Variants in TTK observed in about 807,000 individuals in gnomAD.
TTK encodes TTK protein kinase.
Under a neutral mutation model 117.3 loss-of-function variants are expected in TTK, and 59 were observed. The observed-to-expected ratio is 0.50, with a 90% CI of 0.41 to 0.62. The LOEUF is 0.62. TTK is among the 20% of genes least tolerant of loss of function. The pLI, the probability that TTK is intolerant of heterozygous loss-of-function variation, is 0.00. For missense variants in TTK, 921 were observed against 989.4 expected (o/e 0.93, Z 0.93); for synonymous variants, 302 against 325.0 (o/e 0.93, Z 0.76).
intron 10 of TTK, among the ~76,000 whole-genome samples, chr6:80,015,273 G>A (rs1289284012): frequency 6.6e-6 from 1 of 152,174 alleles, no homozygotes; most frequent in Non-Finnish European, 1.5e-5. Context: ...GTCTAGTTAT[G>A]CTGCAGACTG....
At chr6:80,019,747 A>C (rs1406943737) in intron 10 of TTK, among the ~76,000 whole-genome samples, 4 of 152,008 alleles carry the variant, frequency 2.6e-5, no homozygotes, top group Non-Finnish European at 5.9e-5. Context: ...CTTACTTGTC[A>C]AAAAAAATCA....
rs759870854 is a variant in TTK at position 80,014,592 on chromosome 6, A to G, written c.1108+6A>G. 6.3e-7 allele frequency: 1 copy of G among 1,595,466 alleles called. No individual in the cohort carries two copies. The highest frequency in any genetic ancestry group is 1.4e-5 in the African/African-American group (1 of 73,866). On this transcript the variant is annotated splice_donor_region_variant and intron_variant, in intron 10 of 21. Transcript: ENST00000369798. ...TCTTCTAGCTAAATTAGAAGGTAAGAGTAACAAAATCAGTAGACTTGTATG... is the reference window on the plus strand; with the variant it reads ...TCTTCTAGCTAAATTAGAAGGTAAGGGTAACAAAATCAGTAGACTTGTATG...
rs1474002310 is a variant in TTK, at chr6:80,007,913, G to C, written c.244G>C (p.Ala82Pro). 6.2e-7 allele frequency: 1 copy of C among 1,613,600 alleles called. No individual in the cohort carries two copies. The highest frequency in any genetic ancestry group is 8.5e-7 in the Non-Finnish European group (1 of 1,179,654). The stretch of plus-strand genomic sequence containing the variant: ...GAAAAACAGTGTTCCGCTAAGTGAT[G>C]CTCTTTTAAATAAATTGATTGGTCG... ...LEKNSVPLSD[A>P]LLNKLIGRYS... The change falls in exon 3 of 22, where the codon GCT becomes CCT. Residue 82 changes from alanine (A) to proline (P), a missense_variant. Ala to Pro is a conservative substitution (Grantham distance 27). Coordinates refer to ENST00000369798, the MANE Select transcript of TTK (RefSeq NM_003318.5).
chr6:80,033,545 CAG>C, intron 14 of TTK, among the ~76,000 whole-genome samples: 1 of 152,322 alleles, frequency 6.6e-6, no homozygotes, highest in East Asian at 1.9e-4. Context: ...GCATCCAGAA[CAG>C]TACCTAGAAC....
intron 14 of TTK, 31 bp downstream of exon 14, chr6:80,031,590 TA>T: frequency 7.0e-7 from 1 of 1,422,870 alleles, no homozygotes; most frequent in Admixed American, 2.7e-5. Context: ...ACGAAATAAA[TA>T]AAAATATTTT....
chr6:80,033,874 ATTAT>A (rs1051252807), intron 14 of TTK, among the ~76,000 whole-genome samples: 1 of 152,078 alleles, frequency 6.6e-6, no homozygotes, highest in East Asian at 1.9e-4. Context: ...GTTAATATTT[ATTAT>A]TTATTTGTTT....
At position 80,034,853 on chromosome 6, in the gene TTK, C is replaced by G. The variant is rs577220323; in HGVS notation, c.1615-132C>G. The G allele has an allele frequency of 9.3e-5, 69 of 739,064 alleles. No individual in the cohort carries two copies. In the African/African-American group the frequency reaches 1.1e-3, roughly 12 times the overall value. 45.8% of individuals were successfully genotyped at this position (739,064 alleles called of 1,614,324 possible). On this transcript the variant is annotated intron_variant, in intron 14 of 21. Coordinates refer to ENST00000369798, the MANE Select transcript of TTK (RefSeq NM_003318.5). ...TCTTCCTTCTACACTCAAAATAGGC[C>G]CAGAAACTTTTAATGTTCATGTCAG...
chr6:80,011,503 G>T lies in TTK; in HGVS notation c.683G>T (p.Ser228Ile). 1 of 1,610,328 alleles carries T rather than the reference G, an allele frequency of 6.2e-7. No individual in the cohort carries two copies. The highest frequency in any genetic ancestry group is 1.1e-5 in the South Asian group (1 of 90,174). The change falls in exon 6 of 22, where the codon AGT becomes ATT. Residue 228 changes from serine (S) to isoleucine (I), a missense_variant. By Grantham distance (142) the Ser-to-Ile change is moderately radical (BLOSUM62 -2). Coordinates refer to ENST00000369798, the MANE Select transcript of TTK (RefSeq NM_003318.5). ...SLGHLQNRNN[S>I]CDSRGQTTKA... The stretch of plus-strand genomic sequence containing the variant: ...GGGCATTTACAGAATAGGAACAACA[G>T]TTGTGATTCCAGAGGACAGACTACT...
chr6:80,035,348 A>G lies in TTK; in HGVS notation c.1855A>G (p.Ile619Val), dbSNP rs1767872623. The G allele has an allele frequency of 6.2e-7, 1 of 1,612,624 alleles. No homozygotes were observed. Among genetic ancestry groups the G allele is most frequent in the African/African-American group, 1.3e-5 (1 of 74,856 alleles). Residue 619 changes from isoleucine to valine, a missense_variant, in exon 16 of 22, where the codon ATT (isoleucine) becomes GTT (valine). Coordinates refer to ENST00000369798, the MANE Select transcript of TTK (RefSeq NM_003318.5). ...LNSWLKKKKS[I>V]DPWERKSYWK... ...TAGTTGGCTTAAAAAGAAAAAATCC[A>G]TTGATCCATGGGAACGCAAGAGTTA... is the stretch of plus-strand genomic sequence containing the variant.
chr6:80,019,569 T>C (rs1767403001), intron 10 of TTK, among the ~76,000 whole-genome samples: 1 of 152,200 alleles, frequency 6.6e-6, no homozygotes, highest in Non-Finnish European at 1.5e-5. Flanking sequence ...AAAACTGAAA[T>C]GTTATACAAA....
rs750912141 is a variant in TTK at position 80,012,025 on chromosome 6, G to A, written c.896+45G>A. 2.1e-5 allele frequency: 31 copies of A among 1,492,828 alleles called. No individual in the cohort carries two copies. The Admixed American group carries it at 4.6e-4, about 22-fold the overall frequency. 92.5% of individuals were successfully genotyped at this position (1,492,828 alleles called of 1,614,324 possible). Reference sequence around the variant, plus strand: ...TTAAAATTTGTTGTCCGTATGGGAAGATTAATGGCAGAATGGTCTTAAAGT... The same window carrying A: ...TTAAAATTTGTTGTCCGTATGGGAAAATTAATGGCAGAATGGTCTTAAAGT... On this transcript the variant is annotated intron_variant, in intron 8 of 21. Transcript: ENST00000369798.
chr6:80,039,778 T>G lies in TTK; in HGVS notation c.2213T>G (p.Ile738Ser), dbSNP rs141223517. ...GGGAAAACACCATTTCAGCAGATAA[T>G]TAATCAGATTTCTAAATTACATGCC... Reference protein sequence around the residue: ...TYGKTPFQQIINQISKLHAII... With the variant: ...TYGKTPFQQISNQISKLHAII... The change falls in exon 19 of 22, where the codon ATT becomes AGT. Residue 738 changes from isoleucine to serine, a missense_variant. Ile to Ser is a moderately radical substitution (Grantham distance 142). Transcript: ENST00000369798. The G allele has an allele frequency of 6.3e-7, 1 of 1,587,176 alleles. No individual in the cohort carries two copies. Among genetic ancestry groups the G allele is most frequent in the South Asian group, 1.2e-5 (1 of 85,516 alleles).
At chr6:80,014,724 A>T in intron 10 of TTK, 138 bp downstream of exon 10, 1 of 849,104 alleles carries the variant, frequency 1.2e-6, no homozygotes, top group Non-Finnish European at 1.7e-6. Flanking sequence ...CCGTTCAGTT[A>T]TATAGGGTAT....
In TTK at chr6:80,042,223, CAGA is replaced by C. The variant is rs760375769; in HGVS notation, c.*22_*24del. ...AATGATTTGCAGTTATTCGTAATGTCAGATACCACCTATAAAATATATTGGACT... is the reference window on the plus strand; with the variant it reads ...AATGATTTGCAGTTATTCGTAATGTCTACCACCTATAAAATATATTGGACT... On this transcript the variant is annotated 3_prime_UTR_variant, in exon 22 of 22. Coordinates refer to ENST00000369798, the MANE Select transcript of TTK (RefSeq NM_003318.5). The C allele has an allele frequency of 6.1e-4, 932 of 1,535,704 alleles. 5 individuals are homozygous for C. In the Middle Eastern group the frequency reaches 0.012, roughly 20 times the overall value.
chr6:80,006,891 A>G (rs1403793634), intron 2 of TTK, among the ~76,000 whole-genome samples: 1 of 152,210 alleles, frequency 6.6e-6, no homozygotes, highest in Non-Finnish European at 1.5e-5. Flanking sequence ...AATTTTATTT[A>G]TAAAAGTAAA....
At chr6:80,037,865 T>TATAATAATA (rs3049175) in intron 17 of TTK, 102 bp from the exon 18 acceptor site, 34 of 411,040 alleles carry the variant, frequency 8.3e-5, no homozygotes, top group African/African-American at 7.1e-4. Flanking sequence ...AAACTTAAAG[T>TATAATAATA]ATAATAATAA....
chr6:80,008,925 ATATCTGTGTGTG>A (rs936065676), intron 4 of TTK, among the ~76,000 whole-genome samples: 8 of 73,102 alleles, frequency 1.1e-4, no homozygotes, highest in Non-Finnish European at 2.0e-4. Flanking sequence ...AGTAAACTAT[ATATCTGTGTGTG>A]TGTGTGTGTG....
At chr6:80,016,246 T>C (rs1767304627) in intron 10 of TTK, among the ~76,000 whole-genome samples, 1 of 152,224 alleles carries the variant, frequency 6.6e-6, no homozygotes, top group Non-Finnish European at 1.5e-5. Context: ...AGAGTGGGAT[T>C]GTTGGGTTAC....
At chr6:80,014,808 A>G (rs1286884151) in intron 10 of TTK, among the ~76,000 whole-genome samples, 1 of 152,142 alleles carries the variant, frequency 6.6e-6, no homozygotes, top group African/African-American at 2.4e-5. Flanking sequence ...GTGGAGGGAA[A>G]ATGCAATGGA....
Sources: gnomAD v4.1 joint callset for allele counts (sites outside exome capture counted in the v4.1 genomes callset) on GRCh38, gnomAD v4.1.1 for gene constraint, MANE v1.5 for transcripts, NCBI Gene and HGNC (gene_info 2026-07-23, HGNC 2026-07-21) for gene names.